The following CYRIA variants were observed in gnomAD, a reference collection of about 807,000 sequenced individuals.
CYRIA encodes the protein CYFIP-related Rac1 interactor A.
A neutral mutation model predicts 43.9 loss-of-function variants in CYRIA; 15 were observed. That is an observed-to-expected ratio of 0.34 (90% CI 0.23 to 0.53). The LOEUF (loss-of-function observed/expected upper bound fraction) is 0.53, where lower values mean the gene tolerates loss of function less well. Ranked by LOEUF, CYRIA falls within the 20% of genes least tolerant of loss-of-function variation. The probability of loss-of-function intolerance (pLI) is 0.94; values close to 1 mark genes in which losing one functional copy is unlikely to be tolerated. For synonymous variants in CYRIA, 117 were observed against 136.0 expected, an observed-to-expected ratio of 0.86 and a Z score of 0.97; for missense variants, 236 against 394.2, an observed-to-expected ratio of 0.60 and a Z score of 3.40.
chr2:16,593,690 G>T lies in CYRIA; in HGVS notation c.-10-5561C>A, dbSNP rs936557422. Among the ~76,000 whole-genome samples the T allele has an allele frequency of 7.8e-3, 889 of 114,584 alleles. 6 individuals carry two copies. The highest frequency in any genetic ancestry group is 0.013 in the Non-Finnish European group (737 of 56,474). 75.2% of individuals were successfully genotyped at this position (114,584 alleles called of 152,430 possible). On this transcript the variant is annotated intron_variant, in intron 2 of 11. Coordinates refer to ENST00000381323, the MANE Select transcript of CYRIA (RefSeq NM_030797.4). ...CAAAGATTTAACTTTATTTTTTTGTGTGTGTGTGTTTTTTTTTGTGTGTGT... is the reference window on the plus strand; with the variant it reads ...CAAAGATTTAACTTTATTTTTTTGTTTGTGTGTGTTTTTTTTTGTGTGTGT...
At chr2:16,651,998 C>T (rs1483044858) in intron 1 of CYRIA, among the ~76,000 whole-genome samples, 2 of 152,136 alleles carry the variant, frequency 1.3e-5, no homozygotes, top group African/African-American at 2.4e-5. Context: ...AAAGGCAAGT[C>T]TTTGCTTTTT....
intron 2 of CYRIA, 36 bp from the exon 3 acceptor site, chr2:16,588,165 A>C (rs1255239165): frequency 7.2e-7 from 1 of 1,389,710 alleles, no homozygotes; most frequent in African/African-American, 1.5e-5. Flanking sequence ...TACCATTAGC[A>C]ACATAAAAAA....
chr2:16,605,548 G>C (rs1668367633), intron 2 of CYRIA, among the ~76,000 whole-genome samples: 1 of 152,194 alleles, frequency 6.6e-6, no homozygotes, highest in African/African-American at 2.4e-5. Context: ...ATTTCAAATG[G>C]AAAGGTACCC....
chr2:16,582,522 A>G (rs539774219), intron 3 of CYRIA, among the ~76,000 whole-genome samples: 9 of 152,108 alleles, frequency 5.9e-5, no homozygotes, highest in Non-Finnish European at 1.0e-4. Context: ...ATTTCTCTCC[A>G]ACCCTCTCCC....
Position 16,637,731 on chromosome 2 carries a change from T to A in CYRIA, c.-166-13712A>T, listed in dbSNP as rs533726507. On this transcript the variant is annotated intron_variant, in intron 1 of 11. Transcript: ENST00000381323. ...TTATGCTAATAATGGCAAATACTTA[T>A]GCATATGATTTATGTACCTTTCATT... 1.8e-4 allele frequency among the ~76,000 whole-genome samples: 28 copies of A among 152,382 alleles called. No individual in the cohort carries two copies. The South Asian group carries it at 5.2e-3, about 28-fold the overall frequency.
intron 3 of CYRIA, among the ~76,000 whole-genome samples, chr2:16,581,149 A>C (rs1407066944): frequency 6.6e-6 from 1 of 152,220 alleles, no homozygotes; most frequent in Non-Finnish European, 1.5e-5. Context: ...GATATCAATA[A>C]GAAAATAAGT....
intron 1 of CYRIA, among the ~76,000 whole-genome samples, chr2:16,660,277 C>T (rs915514754): frequency 6.6e-6 from 1 of 152,220 alleles, no homozygotes; most frequent in African/African-American, 2.4e-5. Context: ...TCTTCCCTTA[C>T]GAGGAAGTAA....
intron 10 of CYRIA, among the ~76,000 whole-genome samples, chr2:16,555,443 G>C (rs765006755): frequency 2.2e-4 from 34 of 152,098 alleles, no homozygotes; most frequent in Non-Finnish European, 3.5e-4. Context: ...GGAGCCAAAT[G>C]CAGGGCCTTC....
intron 2 of CYRIA, among the ~76,000 whole-genome samples, chr2:16,615,821 C>T (rs1477529285): frequency 6.6e-6 from 1 of 152,222 alleles, no homozygotes; most frequent in East Asian, 1.9e-4. Flanking sequence ...GACGAGGCAG[C>T]TGGCCTTTCT....
At chr2:16,610,205 C>T (rs1668544317) in intron 2 of CYRIA, among the ~76,000 whole-genome samples, 1 of 152,246 alleles carries the variant, frequency 6.6e-6, no homozygotes, top group South Asian at 2.1e-4. Context: ...CTACTACCAT[C>T]TCCCTTTTAG....
chr2:16,618,941 A>G (rs1158816470), intron 2 of CYRIA, among the ~76,000 whole-genome samples: 2 of 152,200 alleles, frequency 1.3e-5, no homozygotes, highest in Admixed American at 6.5e-5. Context: ...CTGAAGCCCC[A>G]TAGGCTTGTG....
At chr2:16,561,819 A>T (rs1666744838) in intron 6 of CYRIA, among the ~76,000 whole-genome samples, 186 bp downstream of exon 6, 1 of 152,108 alleles carries the variant, frequency 6.6e-6, no homozygotes, top group Non-Finnish European at 1.5e-5. Flanking sequence ...CCATATACAA[A>T]TCATCATCTT....
chr2:16,560,898 G>T, intron 9 of CYRIA, 92 bp downstream of exon 9: 2 of 1,147,690 alleles, frequency 1.7e-6, no homozygotes, highest in South Asian at 2.5e-5. Flanking sequence ...TTAGGGTGTT[G>T]ACCCAAATGT....
rs527797616 is a variant in CYRIA at position 16,639,110 on chromosome 2, C to T, written c.-166-15091G>A. Reference sequence around the variant, plus strand: ...AGTATGAAGCATGGAGCGGAGAAAGCCACTTCCTGCAGCTGTCGCTGTTAC... The same window carrying T: ...AGTATGAAGCATGGAGCGGAGAAAGTCACTTCCTGCAGCTGTCGCTGTTAC... On this transcript the variant is annotated intron_variant, in intron 1 of 11. Transcript: ENST00000381323. 1.7e-3 allele frequency among the ~76,000 whole-genome samples: 260 copies of T among 152,306 alleles called. 1 individual carries two copies. Among genetic ancestry groups the T allele is most frequent in the Non-Finnish European group, 2.9e-3 (200 of 68,020 alleles).
At chr2:16,570,452 C>T (rs1011555936) in intron 3 of CYRIA, among the ~76,000 whole-genome samples, 15 of 152,122 alleles carry the variant, frequency 9.9e-5, no homozygotes, top group Admixed American at 7.2e-4. Context: ...CTTAGGTTTA[C>T]GTTTCTAATC....
intron 2 of CYRIA, among the ~76,000 whole-genome samples, chr2:16,611,833 G>T (rs1369440541): frequency 6.6e-6 from 1 of 152,194 alleles, no homozygotes; most frequent in African/African-American, 2.4e-5. Context: ...AGCTGTCACA[G>T]GGTTGGCTTT....
intron 11 of CYRIA, 119 bp downstream of exon 11, chr2:16,554,950 A>G (rs1375821547): frequency 3.2e-6 from 2 of 617,792 alleles, no homozygotes; most frequent in Non-Finnish European, 5.5e-6. Flanking sequence ...TGTTAGGAAG[A>G]TTCAATGTGT....
chr2:16,560,938 G>C, intron 9 of CYRIA, 52 bp downstream of exon 9: 1 of 1,475,728 alleles, frequency 6.8e-7, no homozygotes. Context: ...CATCTTAACA[G>C]ACACTGGCTG....
chr2:16,640,126 C>T (rs936856715), intron 1 of CYRIA, among the ~76,000 whole-genome samples: 5 of 152,226 alleles, frequency 3.3e-5, no homozygotes, highest in Non-Finnish European at 5.9e-5. Context: ...TGCGCCTGCA[C>T]GCACACACAC....
Sources: gnomAD v4.1 joint callset for allele counts (sites outside exome capture counted in the v4.1 genomes callset) on GRCh38, gnomAD v4.1.1 for gene constraint, MANE v1.5 for transcripts, NCBI Gene and HGNC (gene_info 2026-07-23, HGNC 2026-07-21) for gene names.